Variants in BMP6 observed in about 807,000 individuals in gnomAD.
BMP6 encodes the protein bone morphogenetic protein 6, also known as VG-1-R.
In BMP6, 17 loss-of-function variants were observed where a neutral mutation model predicts 54.1. The ratio of observed to expected loss-of-function variants is 0.31; its 90% CI spans 0.22 to 0.47. The LOEUF (loss-of-function observed/expected upper bound fraction) is 0.47. BMP6 is among the 20% of genes least tolerant of loss of function. The probability of loss-of-function intolerance (pLI) is 1.00; values close to 1 mark genes in which losing one functional copy is unlikely to be tolerated. For missense variants in BMP6, 720 were observed against 690.4 expected (o/e 1.04, Z -0.48); for synonymous variants, 328 against 291.2 (o/e 1.13, Z -1.28).
At chr6:7,753,492 G>A (rs1178977699) in intron 1 of BMP6, among the ~76,000 whole-genome samples, 3 of 152,176 alleles carry the variant, frequency 2.0e-5, no homozygotes, top group Admixed American at 2.0e-4. Context: ...GCACAGTAAG[G>A]TTCGAGAAGC....
intron 1 of BMP6, among the ~76,000 whole-genome samples, chr6:7,786,198 A>G (rs1173911295): frequency 2.0e-5 from 3 of 152,146 alleles, no homozygotes; most frequent in Non-Finnish European, 1.5e-5. Flanking sequence ...GCTGTGGTAA[A>G]GGACAGTTGT....
intron 1 of BMP6, among the ~76,000 whole-genome samples, chr6:7,820,268 T>A (rs1269097140): frequency 6.6e-6 from 1 of 152,230 alleles, no homozygotes; most frequent in Non-Finnish European, 1.5e-5. Context: ...TCTCTTTTGT[T>A]TTGAGATTGC....
chr6:7,873,747 G>T (rs115299676), intron 4 of BMP6, among the ~76,000 whole-genome samples: 1 of 151,936 alleles, frequency 6.6e-6, no homozygotes, highest in African/African-American at 2.4e-5. Flanking sequence ...AAAATCCAAG[G>T]GTTGTCAAAG....
Position 7,880,393 on chromosome 6 carries a change from A to T in BMP6, c.*50A>T. The T allele has an allele frequency of 6.2e-7, 1 of 1,606,378 alleles. No homozygotes were observed. On this transcript the variant is annotated 3_prime_UTR_variant, in exon 7 of 7. Transcript: ENST00000283147. ...ACATTCTGCCTTGGATTCCTAGATT[A>T]CATCTGCCTTAAAAAAACACGGAAG...
At chr6:7,787,584 A>G (rs983657972) in intron 1 of BMP6, among the ~76,000 whole-genome samples, 1 of 152,224 alleles carries the variant, frequency 6.6e-6, no homozygotes, top group Admixed American at 6.5e-5. Context: ...TCCTGTTAGC[A>G]AACCAAGGTG....
chr6:7,874,463 CAGAA>C lies in BMP6; in HGVS notation c.1205-4607_1205-4604del, dbSNP rs1384511174. Among the ~76,000 whole-genome samples, 16 of 152,304 alleles carry C rather than the reference CAGAA, an allele frequency of 1.1e-4. 1 individual carries two copies. Among genetic ancestry groups the C allele is most frequent in the African/African-American group, 3.8e-4 (16 of 41,570 alleles). The stretch of plus-strand genomic sequence containing the variant: ...CTCTTTTGCTTAGAAGATACCTTAA[CAGAA>C]AGACAAGGCCAGGCGAGGTGGCTCA... On this transcript the variant is annotated intron_variant, in intron 4 of 6. Coordinates refer to ENST00000283147, the MANE Select transcript of BMP6 (RefSeq NM_001718.6).
At chr6:7,729,298 C>T (rs1761808379) in intron 1 of BMP6, among the ~76,000 whole-genome samples, 1 of 152,096 alleles carries the variant, frequency 6.6e-6, no homozygotes, top group Admixed American at 6.6e-5. Context: ...TGCTCTCTTC[C>T]TCTCCTCTCC....
chr6:7,869,860 G>A (rs1433714877), intron 4 of BMP6, among the ~76,000 whole-genome samples: 3 of 152,178 alleles, frequency 2.0e-5, no homozygotes, highest in East Asian at 1.9e-4. Context: ...CCTGCAACAG[G>A]AGGAGCAAGG....
chr6:7,726,132 G>T lies in BMP6; in HGVS notation c.-824G>T, dbSNP rs1010942846. Among the ~76,000 whole-genome samples, 1 of 152,230 alleles carries T rather than the reference G, an allele frequency of 6.6e-6. No homozygotes were observed. Among genetic ancestry groups the T allele is most frequent in the Non-Finnish European group, 1.5e-5 (1 of 68,040 alleles). ...CACGTTGGCCGCTGCGGGGAGCGCG[G>T]CGTGGAGAGGCGGGAGACCGAATTC... is the stretch of plus-strand genomic sequence containing the variant. On this transcript the variant is annotated 5_prime_UTR_variant, in exon 1 of 7. Transcript: ENST00000283147.
chr6:7,832,574 A>G (rs1430208283), intron 1 of BMP6, among the ~76,000 whole-genome samples: 1 of 151,992 alleles, frequency 6.6e-6, no homozygotes, highest in East Asian at 1.9e-4. Flanking sequence ...ACAATTACCC[A>G]TTGCGTATTG....
chr6:7,739,081 C>A (rs1309433049), intron 1 of BMP6, among the ~76,000 whole-genome samples: 1 of 152,204 alleles, frequency 6.6e-6, no homozygotes, highest in Non-Finnish European at 1.5e-5. Context: ...CCCTATGTCT[C>A]ACTTTCCACA....
chr6:7,842,513 C>G (rs1758990755), intron 1 of BMP6, among the ~76,000 whole-genome samples: 1 of 152,184 alleles, frequency 6.6e-6, no homozygotes, highest in South Asian at 2.1e-4. Context: ...AGCTGTCTTT[C>G]CTCAGACAAG....
chr6:7,853,198 C>T (rs953701836), intron 2 of BMP6, among the ~76,000 whole-genome samples: 4 of 152,090 alleles, frequency 2.6e-5, no homozygotes, highest in Non-Finnish European at 5.9e-5. Context: ...GAACTTCAAA[C>T]AAGTGTGTTT....
intron 1 of BMP6, among the ~76,000 whole-genome samples, chr6:7,728,523 C>T (rs1761790019): frequency 1.3e-5 from 2 of 152,238 alleles, no homozygotes; most frequent in Admixed American, 1.3e-4. Flanking sequence ...CCTCCCACCC[C>T]ACTGAGTTTT....
chr6:7,784,461 G>A (rs1016447694), intron 1 of BMP6, among the ~76,000 whole-genome samples: 1 of 152,120 alleles, frequency 6.6e-6, no homozygotes, highest in Admixed American at 6.5e-5. Flanking sequence ...ATCTGAGTGT[G>A]TGTTCGGATC....
At chr6:7,760,565 C>A (rs1012271767) in intron 1 of BMP6, among the ~76,000 whole-genome samples, 7 of 152,110 alleles carry the variant, frequency 4.6e-5, no homozygotes, top group Non-Finnish European at 1.5e-5. Flanking sequence ...CTCCCGGGTT[C>A]CAGCAATTCT....
chr6:7,784,018 A>G (rs776499521), intron 1 of BMP6, among the ~76,000 whole-genome samples: 1 of 152,216 alleles, frequency 6.6e-6, no homozygotes, highest in Non-Finnish European at 1.5e-5. Flanking sequence ...GATTTCCCCA[A>G]CATGCTTTCT....
chr6:7,772,867 A>T (rs1757811164), intron 1 of BMP6, among the ~76,000 whole-genome samples: 1 of 152,000 alleles, frequency 6.6e-6, no homozygotes. Context: ...TTCTTTAGCT[A>T]TTTTACTGAA....
At chr6:7,745,977 G>A (rs747208776) in intron 1 of BMP6, among the ~76,000 whole-genome samples, 1 of 100,104 alleles carries the variant, frequency 1.0e-5, no homozygotes. Flanking sequence ...AAGAAAAAAA[G>A]AGAGAGAGAG....
Sources: gnomAD v4.1 joint callset for allele counts (sites outside exome capture counted in the v4.1 genomes callset) on GRCh38, gnomAD v4.1.1 for gene constraint, MANE v1.5 for transcripts, NCBI Gene and HGNC (gene_info 2026-07-23, HGNC 2026-07-21) for gene names.